FHOD3: variants seen among roughly 807,000 people sequenced by gnomAD.
The protein encoded by FHOD3 is FH1/FH2 domain-containing protein 3.
In FHOD3, 90 loss-of-function variants were observed where a neutral mutation model predicts 173.0. The observed-to-expected ratio is 0.52, with a 90% CI of 0.44 to 0.62. The LOEUF (loss-of-function observed/expected upper bound fraction) is 0.62, where lower values mean the gene tolerates loss of function less well. Ranked by LOEUF, FHOD3 falls within the 20% of genes least tolerant of loss-of-function variation. FHOD3 has a pLI of 0.00. For missense variants in FHOD3, 1,945 were observed against 2,034.7 expected (o/e 0.96, Z 0.85); for synonymous variants, 828 against 823.0 (o/e 1.01, Z -0.10).
chr18:36,550,419 A>C (rs1296455547), intron 5 of FHOD3, among the ~76,000 whole-genome samples: 4 of 151,572 alleles, frequency 2.6e-5, no homozygotes, highest in Non-Finnish European at 5.9e-5. Flanking sequence ...TCAAAGACCT[A>C]TGTTAGGTCC....
At position 36,760,718 on chromosome 18, in the gene FHOD3, G is replaced by C. The variant is rs1053933786; in HGVS notation, c.4560G>C (p.Ser1520=). 1 of 1,613,126 alleles carries C rather than the reference G, an allele frequency of 6.2e-7. No individual in the cohort carries two copies. Among genetic ancestry groups the C allele is most frequent in the Non-Finnish European group, 8.5e-7 (1 of 1,179,994 alleles). Residue 1520 remains serine, a synonymous_variant, in exon 27 of 29, where the codon TCG becomes TCC. Transcript: ENST00000590592. ...HENMKAVLKT[S]SPSVEDATPA... Reference sequence around the variant, plus strand: ...ACATGAAGGCTGTGCTGAAAACCTCGTCCCCCTCCGTGGAGGACGCCACCC... The same window carrying C: ...ACATGAAGGCTGTGCTGAAAACCTCCTCCCCCTCCGTGGAGGACGCCACCC...
intron 14 of FHOD3, among the ~76,000 whole-genome samples, chr18:36,675,737 A>G (rs2037815405): frequency 6.6e-6 from 1 of 152,202 alleles, no homozygotes; most frequent in South Asian, 2.1e-4. Flanking sequence ...GACTTCATGC[A>G]TCCTGTTTAT....
chr18:36,627,761 TG>T (rs1174646628), intron 10 of FHOD3, among the ~76,000 whole-genome samples: 8 of 152,106 alleles, frequency 5.3e-5, no homozygotes, highest in Non-Finnish European at 7.4e-5. Flanking sequence ...AGTGCGATAG[TG>T]GGAATGCAGT....
rs114797049 is a variant in FHOD3 at position 36,547,723 on chromosome 18, C to T, written c.512-28728C>T. 9.2e-3 allele frequency among the ~76,000 whole-genome samples: 1,398 copies of T among 152,264 alleles called. 14 individuals carry two copies. Among genetic ancestry groups the T allele is most frequent in the African/African-American group, 0.028 (1,166 of 41,530 alleles). ...GCAGTGTCTGTGGGAGCTGCTCACC[C>T]GCAGATCGTTGGAGGCAGCCTGTGT... is the stretch of plus-strand genomic sequence containing the variant. On this transcript the variant is annotated intron_variant, in intron 5 of 28. Coordinates refer to ENST00000590592, the MANE Select transcript of FHOD3 (RefSeq NM_001281740.3).
chr18:36,723,621 C>G (rs552636517), intron 19 of FHOD3, among the ~76,000 whole-genome samples: 2 of 152,248 alleles, frequency 1.3e-5, no homozygotes, highest in Admixed American at 6.5e-5. Flanking sequence ...TCTCTGAGCC[C>G]GACCCAAGGT....
intron 3 of FHOD3, among the ~76,000 whole-genome samples, chr18:36,496,145 T>C (rs2054732425): frequency 6.6e-6 from 1 of 152,158 alleles, no homozygotes. Flanking sequence ...GAACTTGGAA[T>C]GTTACCCAGC....
Position 36,372,563 on chromosome 18 carries a change from C to G in FHOD3, c.273-117C>G. ...ATAGATTCTTATTCAGTGTGGGTCT[C>G]TGCTTCTCTGGATCCCCACTTAAGT... On this transcript the variant is annotated intron_variant, in intron 2 of 28. Transcript: ENST00000590592. The G allele has an allele frequency of 2.8e-6, 2 of 710,676 alleles. 1 individual carries two copies. Among genetic ancestry groups the G allele is most frequent in the South Asian group, 3.6e-5 (2 of 55,632 alleles). 44.0% of individuals were successfully genotyped at this position (710,676 alleles called of 1,614,324 possible).
intron 1 of FHOD3, among the ~76,000 whole-genome samples, chr18:36,352,325 G>A (rs543881895): frequency 6.6e-6 from 1 of 152,196 alleles, no homozygotes; most frequent in East Asian, 1.9e-4. Flanking sequence ...CAATTGAGCA[G>A]ATTATATTAA....
intron 10 of FHOD3, among the ~76,000 whole-genome samples, chr18:36,641,719 GC>G (rs1340842799): frequency 3.3e-5 from 5 of 152,136 alleles, no homozygotes; most frequent in Non-Finnish European, 5.9e-5. Flanking sequence ...ACTTTGGGAG[GC>G]CGAGATGGGT....
At chr18:36,620,070 A>G (rs1015602938) in intron 9 of FHOD3, among the ~76,000 whole-genome samples, 1 of 152,180 alleles carries the variant, frequency 6.6e-6, no homozygotes, top group Non-Finnish European at 1.5e-5. Context: ...AAATCTCATT[A>G]TGCTGTTCTC....
intron 24 of FHOD3, among the ~76,000 whole-genome samples, chr18:36,748,382 A>ACACACAC (rs1555836081): frequency 2.0e-3 from 290 of 143,562 alleles, no homozygotes; most frequent in African/African-American, 7.0e-3. Context: ...ACACACACAC[A>ACACACAC]ACACACACAC....
At chr18:36,541,421 A>G (rs1420267162) in intron 5 of FHOD3, among the ~76,000 whole-genome samples, 1 of 152,046 alleles carries the variant, frequency 6.6e-6, no homozygotes, top group African/African-American at 2.4e-5. Context: ...TCTACAAAAA[A>G]TAAAACAAAA....
At chr18:36,383,803 A>G (rs1261367116) in intron 3 of FHOD3, among the ~76,000 whole-genome samples, 1 of 152,198 alleles carries the variant, frequency 6.6e-6, no homozygotes, top group African/African-American at 2.4e-5. Flanking sequence ...CACTTGGCCA[A>G]GGTCCCATGA....
intron 4 of FHOD3, among the ~76,000 whole-genome samples, chr18:36,506,383 C>T (rs1437794925): frequency 6.6e-6 from 1 of 152,226 alleles, no homozygotes; most frequent in Non-Finnish European, 1.5e-5. Flanking sequence ...ACTAAAGACA[C>T]AGCTGTGCAT....
chr18:36,676,470 C>A (rs2037863367), intron 14 of FHOD3, among the ~76,000 whole-genome samples: 1 of 152,156 alleles, frequency 6.6e-6, no homozygotes, highest in Non-Finnish European at 1.5e-5. Context: ...GCAATAAAAA[C>A]ACTGCAACAT....
chr18:36,309,660 T>G (rs751004437), intron 1 of FHOD3, among the ~76,000 whole-genome samples: 44 of 152,276 alleles, frequency 2.9e-4, no homozygotes, highest in Non-Finnish European at 6.0e-4. Flanking sequence ...GGTTATCCAG[T>G]CTTCCTGCTG....
chr18:36,658,933 A>C (rs2036599795), intron 14 of FHOD3, among the ~76,000 whole-genome samples: 1 of 152,146 alleles, frequency 6.6e-6, no homozygotes, highest in Admixed American at 6.5e-5. Flanking sequence ...TCCACTCGGG[A>C]GTGCTGTGTG....
chr18:36,771,809 C>A (rs990529865), intron 28 of FHOD3, among the ~76,000 whole-genome samples: 1 of 152,174 alleles, frequency 6.6e-6, no homozygotes, highest in Non-Finnish European at 1.5e-5. Flanking sequence ...AAGACAGAGA[C>A]GTCCCATTTG....
At chr18:36,564,222 A>T (rs16967966) in intron 5 of FHOD3, among the ~76,000 whole-genome samples, 1,633 of 152,238 alleles carry the variant, frequency 0.011, 19 homozygotes, top group African/African-American at 0.037. Flanking sequence ...GTGTGCTTCC[A>T]CTGGTATTTC....
Sources: allele counts gnomAD v4.1 joint callset (sites outside exome capture counted in the v4.1 genomes callset), GRCh38; gene constraint gnomAD v4.1.1; transcripts MANE v1.5; gene names NCBI Gene and HGNC (gene_info 2026-07-23, HGNC 2026-07-21).